Variants in KDM4C observed in about 807,000 individuals in gnomAD.
The protein encoded by KDM4C is lysine demethylase 4C.
In KDM4C, 81 loss-of-function variants were observed where a neutral mutation model predicts 129.3. That is an observed-to-expected ratio of 0.63 (90% CI 0.52 to 0.75). KDM4C has a LOEUF of 0.75. KDM4C is among the 30% of genes least tolerant of loss of function. The pLI is 0.00. For synonymous variants in KDM4C, 573 were observed against 456.1 expected (o/e 1.26, Z -3.26); for missense variants, 1,457 against 1,304.0 (o/e 1.12, Z -1.81).
chr9:6,910,725 G>A (rs1000452206), intron 8 of KDM4C, among the ~76,000 whole-genome samples: 50 of 152,194 alleles, frequency 3.3e-4, no homozygotes, highest in African/African-American at 1.2e-3. Flanking sequence ...TTTGTCCTAT[G>A]GAAATAATCA....
chr9:7,037,009 C>G (rs62534433), intron 15 of KDM4C, among the ~76,000 whole-genome samples: 23,477 of 152,168 alleles, frequency 0.15, 2,451 homozygotes, highest in South Asian at 0.4. Context: ...TATAATCACT[C>G]AGAACTCATA....
rs146903008 is a variant in KDM4C, at chr9:6,957,012, C to T, written c.922-23913C>T. Among the ~76,000 whole-genome samples, 373 of 152,264 alleles carry T rather than the reference C, an allele frequency of 2.4e-3. 2 individuals are homozygous for T. Among genetic ancestry groups the T allele is most frequent in the African/African-American group, 8.8e-3 (364 of 41,536 alleles). On this transcript the variant is annotated intron_variant, in intron 8 of 21. Transcript: ENST00000381309. ...GTCTTTCTCACAGTTGCAGCTCTTACATTTGGTTACGATGGACAAGGGACC... is the reference window on the plus strand; with the variant it reads ...GTCTTTCTCACAGTTGCAGCTCTTATATTTGGTTACGATGGACAAGGGACC...
intron 12 of KDM4C, among the ~76,000 whole-genome samples, chr9:7,003,101 A>G (rs113261757): frequency 0.017 from 2,601 of 152,250 alleles, 66 homozygotes; most frequent in African/African-American, 0.055. Context: ...CCTGACCTCA[A>G]GTGATCCATC....
At chr9:7,121,609 T>G (rs1316387120) in intron 18 of KDM4C, among the ~76,000 whole-genome samples, 1 of 152,170 alleles carries the variant, frequency 6.6e-6, no homozygotes, top group African/African-American at 2.4e-5. Flanking sequence ...TTTACCACAG[T>G]GTACACGTGT....
intron 19 of KDM4C, among the ~76,000 whole-genome samples, chr9:7,149,043 T>A (rs1050703240): frequency 2.0e-5 from 3 of 152,218 alleles, no homozygotes; most frequent in African/African-American, 7.2e-5. Flanking sequence ...CCTGTCTGCC[T>A]TTTGCCGTCA....
intron 18 of KDM4C, among the ~76,000 whole-genome samples, chr9:7,116,568 G>A (rs1249272229): frequency 6.6e-6 from 1 of 152,138 alleles, no homozygotes; most frequent in African/African-American, 2.4e-5. Flanking sequence ...TGCTGGGTAC[G>A]TGGGTCCACT....
At chr9:7,122,265 A>ACACTCTCTCTCTCT (rs375655422) in intron 18 of KDM4C, among the ~76,000 whole-genome samples, 6 of 144,712 alleles carry the variant, frequency 4.1e-5, no homozygotes, top group African/African-American at 1.3e-4. Flanking sequence ...ACACACACAC[A>ACACTCTCTCTCTCT]CTCTCTCTCT....
chr9:7,075,629 C>T (rs915053805), intron 17 of KDM4C, among the ~76,000 whole-genome samples: 1 of 152,136 alleles, frequency 6.6e-6, no homozygotes, highest in African/African-American at 2.4e-5. Context: ...TCACCACATG[C>T]AGATGCCCAA....
In KDM4C at chr9:7,138,588, G is replaced by A. The variant is rs932690278; in HGVS notation, c.2781+10352G>A. Among the ~76,000 whole-genome samples the A allele has an allele frequency of 3.3e-5, 5 of 152,126 alleles. No individual in the cohort carries two copies. In the South Asian group the frequency reaches 1.0e-3, roughly 32 times the overall value. ...CCAGCGCTTTGGGGCACCAAAGCAG[G>A]AGGATTATTTGAGTCCAGGAGTTTG... On this transcript the variant is annotated intron_variant, in intron 19 of 21. Transcript: ENST00000381309.
intron 12 of KDM4C, among the ~76,000 whole-genome samples, chr9:7,006,854 A>G (rs181007948): frequency 2.0e-5 from 3 of 152,336 alleles, no homozygotes; most frequent in Admixed American, 6.5e-5. Context: ...TAATACTACT[A>G]TAAAAAAAAT....
intron 15 of KDM4C, among the ~76,000 whole-genome samples, chr9:7,020,972 T>C (rs1234992488): frequency 6.7e-6 from 1 of 148,306 alleles, no homozygotes; most frequent in African/African-American, 2.5e-5. Flanking sequence ...CCACCCTTCC[T>C]AGCCTCTGGT....
At chr9:7,125,084 A>G (rs1292760433) in intron 18 of KDM4C, among the ~76,000 whole-genome samples, 1 of 152,082 alleles carries the variant, frequency 6.6e-6, no homozygotes, top group Non-Finnish European at 1.5e-5. Flanking sequence ...TAACATTTAG[A>G]TTCCCTAGGA....
At chr9:7,164,396 G>A (rs904354769) in intron 19 of KDM4C, among the ~76,000 whole-genome samples, 4 of 150,896 alleles carry the variant, frequency 2.7e-5, no homozygotes, top group African/African-American at 9.7e-5. Context: ...TGGGGAGTTT[G>A]CTCTGAATTA....
chr9:7,079,426 G>A (rs1056517680), intron 17 of KDM4C, among the ~76,000 whole-genome samples: 2 of 152,110 alleles, frequency 1.3e-5, no homozygotes, highest in South Asian at 2.1e-4. Context: ...TGGTTCAAGC[G>A]ATTCTCCTGC....
At chr9:6,894,049 G>A (rs972159731) in intron 8 of KDM4C, among the ~76,000 whole-genome samples, 9 of 152,278 alleles carry the variant, frequency 5.9e-5, no homozygotes, top group Admixed American at 3.9e-4. Flanking sequence ...TAAATAAAGC[G>A]TATGTGGTCT....
intron 2 of KDM4C, among the ~76,000 whole-genome samples, chr9:6,798,533 T>C (rs1453298763): frequency 6.6e-6 from 1 of 152,096 alleles, no homozygotes; most frequent in Non-Finnish European, 1.5e-5. Context: ...ACAGCACATG[T>C]TTCAGAGAGC....
chr9:7,021,017 T>C (rs1269292567), intron 15 of KDM4C, among the ~76,000 whole-genome samples: 1 of 151,706 alleles, frequency 6.6e-6, no homozygotes, highest in African/African-American at 2.4e-5. Context: ...CCTCCTAGTC[T>C]CTGGCTTCAT....
At chr9:6,929,583 T>C (rs147540269) in intron 8 of KDM4C, among the ~76,000 whole-genome samples, 301 of 151,508 alleles carry the variant, frequency 2.0e-3, no homozygotes, top group African/African-American at 7.0e-3. Flanking sequence ...TAAGTGCTAC[T>C]CTTCCCCAGT....
chr9:6,727,280 G>C (rs990031298), intron 1 of KDM4C: 3 of 151,376 alleles, frequency 2.0e-5, no homozygotes, highest in African/African-American at 7.3e-5. Context: ...GAGAAACCCC[G>C]TCTCTACTAA....
Sources: gnomAD v4.1 joint callset for allele counts (sites outside exome capture counted in the v4.1 genomes callset) on GRCh38, gnomAD v4.1.1 for gene constraint, MANE v1.5 for transcripts, NCBI Gene and HGNC (gene_info 2026-07-23, HGNC 2026-07-21) for gene names.